BRINP2: variants seen among roughly 807,000 people sequenced by gnomAD.
BRINP2 encodes BMP/retinoic acid-inducible neural-specific protein 2.
BRINP2 carries 21 observed loss-of-function variants against 69.2 expected under a neutral mutation model. That is an observed-to-expected ratio of 0.30 (90% confidence interval 0.22 to 0.44). BRINP2 has a LOEUF of 0.44. BRINP2 is among the 20% of genes least tolerant of loss of function. The pLI, the probability that BRINP2 is intolerant of heterozygous loss-of-function variation, is 1.00. For synonymous variants in BRINP2, 380 were observed against 394.1 expected (o/e 0.96, Z 0.42); for missense variants, 877 against 986.0 (o/e 0.89, Z 1.48).
intron 4 of BRINP2, among the ~76,000 whole-genome samples, chr1:177,263,510 C>T (rs1190815253): frequency 6.6e-6 from 1 of 152,118 alleles, no homozygotes; most frequent in East Asian, 1.9e-4. Context: ...AATGAGATGG[C>T]CACTGCTAGA....
intron 1 of BRINP2, among the ~76,000 whole-genome samples, chr1:177,223,897 C>G (rs1456835544): frequency 6.6e-6 from 1 of 151,988 alleles, no homozygotes; most frequent in Admixed American, 6.5e-5. Context: ...ATGTGTCACC[C>G]CTGCTCAGGT....
chr1:177,192,301 C>T (rs1648617324), intron 1 of BRINP2, among the ~76,000 whole-genome samples: 1 of 152,116 alleles, frequency 6.6e-6, no homozygotes, highest in African/African-American at 2.4e-5. Context: ...ACAAGAGACC[C>T]GGGTTTTTTA....
In BRINP2 at chr1:177,276,085, C is replaced by T; in HGVS notation, c.776-113C>T. On this transcript the variant is annotated intron_variant, in intron 5 of 7. Transcript: ENST00000361539. ...AGGCCCTGTGGTGCCCATGCTTGGG[C>T]CCAGGATGCACAAGTCAGCAGAACT... 4.0e-6 allele frequency: 4 copies of T among 1,004,218 alleles called. No homozygotes were observed. In the South Asian group the frequency reaches 5.8e-5, roughly 15 times the overall value. 62.2% of individuals were successfully genotyped at this position (1,004,218 alleles called of 1,614,324 possible).
chr1:177,271,602 A>G (rs1292311207), intron 4 of BRINP2, among the ~76,000 whole-genome samples: 1 of 152,178 alleles, frequency 6.6e-6, no homozygotes, highest in Non-Finnish European at 1.5e-5. Context: ...GATTTGTCCC[A>G]GAGAGTTCTT....
At chr1:177,222,673 G>A (rs1361078620) in intron 1 of BRINP2, among the ~76,000 whole-genome samples, 1 of 151,136 alleles carries the variant, frequency 6.6e-6, no homozygotes, top group Non-Finnish European at 1.5e-5. Flanking sequence ...CAATCCTATG[G>A]AGTAGCACTA....
chr1:177,266,758 TAAAAAAAAAAA>T (rs1223096305), intron 4 of BRINP2, among the ~76,000 whole-genome samples: 1 of 59,344 alleles, frequency 1.7e-5, no homozygotes, highest in Non-Finnish European at 3.3e-5. Flanking sequence ...AGACTCACTC[TAAAAAAAAAAA>T]AAAAAAAAAA....
At chr1:177,254,382 A>G (rs1002917913) in intron 2 of BRINP2, among the ~76,000 whole-genome samples, 16 of 111,320 alleles carry the variant, frequency 1.4e-4, no homozygotes, top group Admixed American at 2.6e-4. Flanking sequence ...ACACATGCAC[A>G]CACACACACA....
At chr1:177,266,108 A>T (rs1046925094) in intron 4 of BRINP2, among the ~76,000 whole-genome samples, 1 of 147,552 alleles carries the variant, frequency 6.8e-6, no homozygotes, top group African/African-American at 2.4e-5. Context: ...TGACAGAGTG[A>T]GACTCCATCT....
intron 1 of BRINP2, among the ~76,000 whole-genome samples, chr1:177,226,896 C>A (rs1017876598): frequency 6.6e-6 from 1 of 152,120 alleles, no homozygotes; most frequent in Non-Finnish European, 1.5e-5. Context: ...TGGCTGTTTG[C>A]TACTCCCCAG....
At position 177,273,694 on chromosome 1, in the gene BRINP2, T is replaced by G. The variant is rs374304889; in HGVS notation, c.775+101T>G. 4.5e-6 allele frequency: 3 copies of G among 664,480 alleles called. No homozygotes were observed. The African/African-American group carries it at 5.6e-5, about 12-fold the overall frequency. 41.2% of individuals were successfully genotyped at this position (664,480 alleles called of 1,614,324 possible). A position where few individuals can be genotyped will look rare whatever the true frequency, so the allele number is the denominator to read the frequency against. ...AAAAAATTCTGCCTGTTCCATTTGA[T>G]CAAACCTTTCTTAAGACAAGAACTA... On this transcript the variant is annotated intron_variant, in intron 5 of 7. Coordinates refer to ENST00000361539, the MANE Select transcript of BRINP2 (RefSeq NM_021165.4).
rs772010605 is a variant in BRINP2, at chr1:177,280,829, G to A, written c.1653G>A (p.Leu551=). 4.9e-5 allele frequency: 79 copies of A among 1,613,866 alleles called. No individual in the cohort carries two copies. Among genetic ancestry groups the A allele is most frequent in the Non-Finnish European group, 6.6e-5 (78 of 1,179,928 alleles). The change falls in exon 8 of 8, where the codon CTG becomes CTA. Residue 551 remains leucine, a synonymous_variant. Transcript: ENST00000361539. ...ACCCTTCCTGGAGGAAGCGCATGCT[G>A]CTCACCCTGAAGAGCAACAAGTACA... The part of the protein sequence containing the change: ...WFDPSWRKRM[L]LTLKSNKYKP...
Position 177,247,199 on chromosome 1 carries a change from A to C in BRINP2, c.270-8720A>C, listed in dbSNP as rs78381939. Among the ~76,000 whole-genome samples, 34 of 152,318 alleles carry C rather than the reference A, an allele frequency of 2.2e-4. No individual in the cohort carries two copies. The East Asian group carries it at 6.4e-3, about 29-fold the overall frequency. ...AGGTATATTGGTAGAAAGATGAAGA[A>C]AGAGAAGACTTCCTGTGTCTGAAAT... On this transcript the variant is annotated intron_variant, in intron 2 of 7. Coordinates refer to ENST00000361539, the MANE Select transcript of BRINP2 (RefSeq NM_021165.4).
At position 177,206,561 on chromosome 1, in the gene BRINP2, A is replaced by G. The variant is rs190372291; in HGVS notation, c.-76-23240A>G. Among the ~76,000 whole-genome samples the G allele has an allele frequency of 2.1e-3, 319 of 152,286 alleles. 2 individuals carry two copies. Among genetic ancestry groups the G allele is most frequent in the African/African-American group, 7.0e-3 (291 of 41,550 alleles). ...TGTTTTATAGCTAAATCTTACGTGTATTATTTTAGATATCACAGCATTGGC... is the reference window on the plus strand; with the variant it reads ...TGTTTTATAGCTAAATCTTACGTGTGTTATTTTAGATATCACAGCATTGGC... On this transcript the variant is annotated intron_variant, in intron 1 of 7. Coordinates refer to ENST00000361539, the MANE Select transcript of BRINP2 (RefSeq NM_021165.4).
At chr1:177,256,715 G>A (rs1571935670) in intron 3 of BRINP2, 1 of 1,076,168 alleles carries the variant, frequency 9.3e-7, no homozygotes, top group South Asian at 2.9e-5. Context: ...CTGTCCAATC[G>A]ACTAAAACAA....
At chr1:177,228,166 A>G (rs977135330) in intron 1 of BRINP2, among the ~76,000 whole-genome samples, 1 of 152,224 alleles carries the variant, frequency 6.6e-6, no homozygotes, top group African/African-American at 2.4e-5. Flanking sequence ...GTAACTTCTA[A>G]GAGCTGTCCA....
At chr1:177,204,788 GA>G (rs1378857176) in intron 1 of BRINP2, among the ~76,000 whole-genome samples, 1 of 152,120 alleles carries the variant, frequency 6.6e-6, no homozygotes, top group Non-Finnish European at 1.5e-5. Context: ...ACCAACCAGT[GA>G]TAATTACAAA....
At chr1:177,233,135 T>C (rs1649913253) in intron 2 of BRINP2, among the ~76,000 whole-genome samples, 1 of 152,196 alleles carries the variant, frequency 6.6e-6, no homozygotes, top group African/African-American at 2.4e-5. Context: ...GCTCTAACTT[T>C]GAGATGACTA....
Position 177,229,841 on chromosome 1 carries a change from G to A in BRINP2, c.-36G>A, listed in dbSNP as rs367628989. ...GAGCAGCACGGAGCGGGAGAGCGTG[G>A]CGAGAGAATGAAGAAACCAATCGCC... is the stretch of plus-strand genomic sequence containing the variant. On this transcript the variant is annotated 5_prime_UTR_variant, in exon 2 of 8. Coordinates refer to ENST00000361539, the MANE Select transcript of BRINP2 (RefSeq NM_021165.4). 1 of 1,546,908 alleles carries A rather than the reference G, an allele frequency of 6.5e-7. No individual in the cohort carries two copies. Among genetic ancestry groups the A allele is most frequent in the Admixed American group, 1.9e-5 (1 of 53,566 alleles).
intron 2 of BRINP2, among the ~76,000 whole-genome samples, chr1:177,249,449 T>C (rs575591198): frequency 1.4e-4 from 21 of 152,196 alleles, no homozygotes; most frequent in Non-Finnish European, 2.6e-4. Flanking sequence ...CTGAATGCAG[T>C]GGCCACTCCT....
Sources: allele counts gnomAD v4.1 joint callset (sites outside exome capture counted in the v4.1 genomes callset), GRCh38; gene constraint gnomAD v4.1.1; transcripts MANE v1.5; gene names NCBI Gene and HGNC (gene_info 2026-07-23, HGNC 2026-07-21).